Variants in RELN observed in about 807,000 individuals in gnomAD.
RELN encodes the protein reelin.
Under a neutral mutation model 427.6 loss-of-function variants are expected in RELN, and 108 were observed. The observed-to-expected ratio is 0.25, with a 90% CI of 0.22 to 0.30. RELN has a LOEUF of 0.30. Among genes scored for constraint, RELN ranks in the 10% least tolerant of loss-of-function variants. RELN has a pLI of 1.00. For missense variants in RELN, 3,715 were observed against 4,302.8 expected, an observed-to-expected ratio of 0.86 and a Z score of 3.82; for synonymous variants, 1,524 against 1,513.4, an observed-to-expected ratio of 1.01 and a Z score of -0.16.
At chr7:103,511,317 C>G (rs1829406065) in intron 50 of RELN, among the ~76,000 whole-genome samples, 1 of 152,002 alleles carries the variant, frequency 6.6e-6, no homozygotes. Flanking sequence ...AGATATTTAA[C>G]TTTTTAGATA....
At chr7:103,720,173 TTGTGTGTGTGTGTGTGTG>T (rs72036005) in intron 8 of RELN, among the ~76,000 whole-genome samples, 1 of 145,600 alleles carries the variant, frequency 6.9e-6, no homozygotes, top group Non-Finnish European at 1.5e-5. Context: ...TGTATAAACA[TTGTGTGTGTGTGTGTGTG>T]TGTGTGTGTG....
At chr7:103,504,244 G>A (rs923503149) in intron 51 of RELN, among the ~76,000 whole-genome samples, 10 of 152,108 alleles carry the variant, frequency 6.6e-5, no homozygotes, top group African/African-American at 2.4e-4. Flanking sequence ...CTAAGTTATA[G>A]TTAGTATTAA....
At chr7:103,817,712 T>C (rs1014503867) in intron 3 of RELN, among the ~76,000 whole-genome samples, 2 of 151,910 alleles carry the variant, frequency 1.3e-5, no homozygotes, top group Non-Finnish European at 2.9e-5. Context: ...TTTGGGAGGC[T>C]GAGGCGGGCA....
chr7:103,940,983 A>G (rs536346908), intron 1 of RELN, among the ~76,000 whole-genome samples: 125 of 152,306 alleles, frequency 8.2e-4, no homozygotes, highest in African/African-American at 2.9e-3. Flanking sequence ...CTCTAATTCT[A>G]AAGGTCAAGA....
chr7:103,609,824 A>G (rs1035346124), intron 22 of RELN, among the ~76,000 whole-genome samples: 27 of 152,206 alleles, frequency 1.8e-4, no homozygotes, highest in Middle Eastern at 3.2e-3. Flanking sequence ...ACTACAGAAT[A>G]ATATAATACT....
In RELN at chr7:103,647,961, C is replaced by G. The variant is rs149707523; in HGVS notation, c.2002+2313G>C. Among the ~76,000 whole-genome samples the G allele has an allele frequency of 3.6e-3, 553 of 152,142 alleles. 4 individuals are homozygous for G. Among genetic ancestry groups the G allele is most frequent in the African/African-American group, 0.013 (535 of 41,522 alleles). Reference sequence around the variant, plus strand: ...AAACATACACTAGGGAAAGAACACCCTATTCAATAAATGGTGCTGGGAAAA... The same window carrying G: ...AAACATACACTAGGGAAAGAACACCGTATTCAATAAATGGTGCTGGGAAAA... On this transcript the variant is annotated intron_variant, in intron 16 of 64. Coordinates refer to ENST00000428762, the MANE Select transcript of RELN (RefSeq NM_005045.4).
rs756189128 is a variant in RELN, at chr7:103,499,716, G to GTGTT, written c.8667+1025_8667+1028dup. ...TAATTGAAAGCTTGTAAGAAGACAA[G>GTGTT]TGTTAGAAGAAATGCATGGTTAACC... On this transcript the variant is annotated intron_variant, in intron 53 of 64. Transcript: ENST00000428762. Among the ~76,000 whole-genome samples, 29 of 152,290 alleles carry GTGTT rather than the reference G, an allele frequency of 1.9e-4. No homozygotes were observed. The East Asian group carries it at 4.4e-3, about 23-fold the overall frequency.
Position 103,989,381 on chromosome 7 carries a change from G to GCCGCCGCCGCCGCGCGCCCTA in RELN, c.-26_-25insTAGGGCGCGCGGCGGCGGCGG, listed in dbSNP as rs771609138. 6.9e-7 allele frequency: 1 copy of GCCGCCGCCGCCGCGCGCCCTA among 1,440,924 alleles called. No homozygotes were observed. Among genetic ancestry groups the GCCGCCGCCGCCGCGCGCCCTA allele is most frequent in the African/African-American group, 1.5e-5 (1 of 65,918 alleles). 89.3% of individuals were successfully genotyped at this position (1,440,924 alleles called of 1,614,324 possible). A position where few individuals can be genotyped will look rare whatever the true frequency, so the allele number is the denominator to read the frequency against. ...TGCCGCCGCCGCCGCCGCCGCCGCCGCGCGCCCTACGCGCCGCTCGCTCAT... is the reference window on the plus strand; with the variant it reads ...TGCCGCCGCCGCCGCCGCCGCCGCCGCCGCCGCCGCCGCGCGCCCTACGCGCCCTACGCGCCGCTCGCTCAT... On this transcript the variant is annotated 5_prime_UTR_variant, in exon 1 of 65. Coordinates refer to ENST00000428762, the MANE Select transcript of RELN (RefSeq NM_005045.4). The surrounding 1 kb of genome is among the most constrained non-coding windows in gnomAD (Gnocchi z 4.9).
At chr7:103,981,984 C>T (rs768071990) in intron 1 of RELN, among the ~76,000 whole-genome samples, 6 of 152,042 alleles carry the variant, frequency 3.9e-5, no homozygotes, top group Admixed American at 2.0e-4. Context: ...CTGGCCAACA[C>T]GGCAAAACCC....
intron 2 of RELN, among the ~76,000 whole-genome samples, chr7:103,889,299 C>T (rs917243665): frequency 3.9e-5 from 6 of 152,160 alleles, no homozygotes; most frequent in South Asian, 2.1e-4. Flanking sequence ...CTGAGCTACA[C>T]GGGAATGTTC....
At chr7:103,482,112 A>G (rs1234020072) in intron 63 of RELN, 1 of 152,178 alleles carries the variant, frequency 6.6e-6, no homozygotes, top group Non-Finnish European at 1.5e-5. Context: ...TTTGCTTGCA[A>G]ATTGACTGAA....
Position 103,930,479 on chromosome 7 carries a change from CTTTT to C in RELN, c.227-13298_227-13295del, listed in dbSNP as rs199678620. On this transcript the variant is annotated intron_variant, in intron 1 of 64. Transcript: ENST00000428762. The stretch of plus-strand genomic sequence containing the variant: ...TCAGCCCCCCGTAATGCATTTCTTT[CTTTT>C]TTGACAGGGTCTCACTCTGTTGCCC... 1.8e-3 allele frequency among the ~76,000 whole-genome samples: 273 copies of C among 151,814 alleles called. 3 individuals are homozygous for C. In the East Asian group the frequency reaches 0.044, roughly 24 times the overall value.
chr7:103,485,626 T>C (rs1828409608), intron 61 of RELN, among the ~76,000 whole-genome samples: 1 of 152,202 alleles, frequency 6.6e-6, no homozygotes, highest in Admixed American at 6.5e-5. Flanking sequence ...ATCCTTCTTA[T>C]GTCTTTGTCA....
At chr7:103,549,442 CT>C (rs1381362263) in intron 41 of RELN, among the ~76,000 whole-genome samples, 1 of 152,218 alleles carries the variant, frequency 6.6e-6, no homozygotes, top group East Asian at 1.9e-4. Context: ...ATTCCATTAC[CT>C]TCAGGGGAAT....
intron 12 of RELN, among the ~76,000 whole-genome samples, chr7:103,657,800 C>T (rs992674604): frequency 2.0e-5 from 3 of 152,194 alleles, no homozygotes; most frequent in African/African-American, 7.2e-5. Context: ...AGCTTCATAG[C>T]CTTTGGCACC....
intron 2 of RELN, among the ~76,000 whole-genome samples, chr7:103,892,763 T>G (rs1418697185): frequency 6.6e-6 from 1 of 152,164 alleles, no homozygotes; most frequent in African/African-American, 2.4e-5. Flanking sequence ...ATGGTACACT[T>G]TAAAATATCA....
At chr7:103,542,635 T>C in intron 43 of RELN, 96 bp downstream of exon 43, 1 of 1,338,838 alleles carries the variant, frequency 7.5e-7, no homozygotes, top group South Asian at 1.2e-5. Flanking sequence ...TGGAAGGCCT[T>C]GTCCTTGAAA....
At chr7:103,533,330 G>A (rs547710038) in intron 46 of RELN, among the ~76,000 whole-genome samples, 5 of 152,310 alleles carry the variant, frequency 3.3e-5, no homozygotes, top group South Asian at 2.1e-4. Context: ...ATTTCAATAC[G>A]TTTCCAGATA....
At chr7:103,652,247 G>C (rs1832933114) in intron 14 of RELN, among the ~76,000 whole-genome samples, 1 of 148,600 alleles carries the variant, frequency 6.7e-6, no homozygotes, top group African/African-American at 2.5e-5. Flanking sequence ...CTTTTTTTCA[G>C]TTGCTTTTTT....
Sources: allele counts gnomAD v4.1 joint callset (sites outside exome capture counted in the v4.1 genomes callset), GRCh38; gene constraint gnomAD v4.1.1; non-coding constraint Gnocchi (gnomAD v3.1); transcripts MANE v1.5; gene names NCBI Gene and HGNC (gene_info 2026-07-23, HGNC 2026-07-21).